Variants in NDUFS4 observed in about 807,000 individuals in gnomAD.
NDUFS4 encodes the protein NADH:ubiquinone oxidoreductase subunit S4, also known as NADH dehydrogenase [ubiquinone] iron-sulfur protein 4, mitochondrial.
Under a neutral mutation model 24.3 loss-of-function variants are expected in NDUFS4, and 28 were observed. The observed-to-expected ratio is 1.15, with a 90% confidence interval of 0.85 to 1.58. The LOEUF is 1.58. Among genes scored for constraint, NDUFS4 ranks in the 40% most tolerant of loss-of-function variants. The pLI is 0.00. For missense variants in NDUFS4, 223 were observed against 207.9 expected (o/e 1.07, Z -0.45); for synonymous variants, 93 against 69.7 (o/e 1.34, Z -1.67).
intron 1 of NDUFS4, among the ~76,000 whole-genome samples, chr5:53,580,775 C>G (rs907305486): frequency 7.3e-6 from 1 of 137,812 alleles, no homozygotes; most frequent in Non-Finnish European, 1.5e-5. Context: ...CTTTCTTTCT[C>G]TCTCTCTTTC....
At chr5:53,654,087 A>G (rs1752096628) in intron 3 of NDUFS4, among the ~76,000 whole-genome samples, 1 of 152,146 alleles carries the variant, frequency 6.6e-6, no homozygotes, top group African/African-American at 2.4e-5. Flanking sequence ...CATTCATGAT[A>G]TTCAACATCC....
intron 2 of NDUFS4, among the ~76,000 whole-genome samples, chr5:53,629,676 G>C (rs1354702794): frequency 6.6e-6 from 1 of 152,040 alleles, no homozygotes; most frequent in Admixed American, 6.5e-5. Flanking sequence ...TTTAAAGTCT[G>C]TTTTATCAGA....
chr5:53,598,814 A>T (rs959856940), intron 1 of NDUFS4, among the ~76,000 whole-genome samples: 4 of 152,180 alleles, frequency 2.6e-5, no homozygotes, highest in African/African-American at 9.6e-5. Context: ...CTTTCAGGAA[A>T]CTTATACAGA....
At chr5:53,679,615 C>T (rs1353872567) in intron 4 of NDUFS4, among the ~76,000 whole-genome samples, 1 of 152,130 alleles carries the variant, frequency 6.6e-6, no homozygotes, top group Non-Finnish European at 1.5e-5. Flanking sequence ...TGTCTGAGAT[C>T]TGATGTAGTA....
At chr5:53,576,894 C>A (rs770134418) in intron 1 of NDUFS4, among the ~76,000 whole-genome samples, 11 of 152,172 alleles carry the variant, frequency 7.2e-5, no homozygotes, top group Non-Finnish European at 1.6e-4. Flanking sequence ...TTTCTAGCTT[C>A]AAAGGCTGCA....
chr5:53,586,046 C>T (rs753977466), intron 1 of NDUFS4, among the ~76,000 whole-genome samples: 2 of 151,710 alleles, frequency 1.3e-5, no homozygotes, highest in African/African-American at 4.8e-5. Flanking sequence ...CAAATAATAT[C>T]GGCCAGGTGC....
intron 3 of NDUFS4, among the ~76,000 whole-genome samples, chr5:53,649,757 T>C (rs1384740356): frequency 7.9e-5 from 12 of 152,218 alleles, no homozygotes; most frequent in Admixed American, 7.9e-4. Context: ...ATCTCCATAC[T>C]GTATTCCATA....
At chr5:53,670,654 C>G (rs1347088879) in intron 4 of NDUFS4, among the ~76,000 whole-genome samples, 4 of 150,290 alleles carry the variant, frequency 2.7e-5, no homozygotes. Flanking sequence ...GTAAATAGTT[C>G]ATTAAATAAT....
intron 3 of NDUFS4, among the ~76,000 whole-genome samples, chr5:53,652,926 G>T (rs1752057939): frequency 6.6e-6 from 1 of 150,814 alleles, no homozygotes; most frequent in African/African-American, 2.4e-5. Context: ...GATAACTATT[G>T]GTTATTAATC....
rs1349656200 is a variant in NDUFS4, at chr5:53,655,061, AT to A, written c.351-3489del. Among the ~76,000 whole-genome samples the A allele has an allele frequency of 2.5e-3, 381 of 152,344 alleles. 1 individual carries two copies. The highest frequency in any genetic ancestry group is 8.0e-3 in the African/African-American group (333 of 41,584). The stretch of plus-strand genomic sequence containing the variant: ...TTAGTGTCTAGTAAAGTATATGAAA[AT>A]GATATTGGAGGAAAAATATCTAAAA... On this transcript the variant is annotated intron_variant, in intron 3 of 4. Coordinates refer to ENST00000296684, the MANE Select transcript of NDUFS4 (RefSeq NM_002495.4).
chr5:53,562,217 T>C (rs1748872338), intron 1 of NDUFS4, among the ~76,000 whole-genome samples: 1 of 152,130 alleles, frequency 6.6e-6, no homozygotes, highest in South Asian at 2.1e-4. Flanking sequence ...TTGGTCAGGC[T>C]GGGTTAAGTA....
intron 2 of NDUFS4, among the ~76,000 whole-genome samples, chr5:53,632,800 G>C (rs1751443528): frequency 6.6e-6 from 1 of 152,118 alleles, no homozygotes; most frequent in Non-Finnish European, 1.5e-5. Context: ...GTTTGTAAAG[G>C]CAAGAGTGGT....
At chr5:53,676,473 A>C (rs777783968) in intron 4 of NDUFS4, among the ~76,000 whole-genome samples, 1 of 152,144 alleles carries the variant, frequency 6.6e-6, no homozygotes, top group Non-Finnish European at 1.5e-5. Context: ...TCAACATTGA[A>C]CTCACAGCCA....
At chr5:53,645,544 A>C (rs1488056300) in intron 2 of NDUFS4, among the ~76,000 whole-genome samples, 1 of 152,184 alleles carries the variant, frequency 6.6e-6, no homozygotes, top group Non-Finnish European at 1.5e-5. Flanking sequence ...ATTATAGAAA[A>C]ATCGAGTTAA....
chr5:53,635,602 A>G (rs1461338830), intron 2 of NDUFS4, among the ~76,000 whole-genome samples: 1 of 152,216 alleles, frequency 6.6e-6, no homozygotes, highest in African/African-American at 2.4e-5. Flanking sequence ...CAAAAAGTTG[A>G]AATTATTAAA....
chr5:53,571,485 G>A (rs901810468), intron 1 of NDUFS4, among the ~76,000 whole-genome samples: 3 of 152,202 alleles, frequency 2.0e-5, no homozygotes, highest in African/African-American at 7.2e-5. Context: ...GTGTTCTGTG[G>A]ACATTCAGAT....
chr5:53,669,420 T>G (rs1038610017), intron 4 of NDUFS4, among the ~76,000 whole-genome samples: 16 of 152,206 alleles, frequency 1.1e-4, no homozygotes, highest in Non-Finnish European at 1.9e-4. Flanking sequence ...GTTCTCATTC[T>G]TATCCCTGCC....
intron 3 of NDUFS4, among the ~76,000 whole-genome samples, chr5:53,656,787 A>G (rs894912465): frequency 1.3e-5 from 2 of 152,178 alleles, no homozygotes; most frequent in African/African-American, 4.8e-5. Context: ...TTAGGAAGAC[A>G]TCTTGGTGAA....
At chr5:53,676,290 T>C (rs1287896312) in intron 4 of NDUFS4, among the ~76,000 whole-genome samples, 5 of 152,222 alleles carry the variant, frequency 3.3e-5, no homozygotes, top group Non-Finnish European at 5.9e-5. Flanking sequence ...TTCACAGTTA[T>C]GTTCTTTAAA....
Sources: allele counts gnomAD v4.1 joint callset (sites outside exome capture counted in the v4.1 genomes callset), GRCh38; gene constraint gnomAD v4.1.1; transcripts MANE v1.5; gene names NCBI Gene and HGNC (gene_info 2026-07-23, HGNC 2026-07-21).